Variants in FRMD4A observed in about 807,000 individuals in gnomAD.
FRMD4A encodes FERM domain containing 4A, also known as FERM domain-containing protein 4A.
FRMD4A carries 29 observed loss-of-function variants against 129.1 expected under a neutral mutation model. The ratio of observed to expected loss-of-function variants is 0.22; its 90% CI spans 0.17 to 0.31. FRMD4A has a LOEUF of 0.31. FRMD4A is among the 10% of genes least tolerant of loss of function. FRMD4A has a pLI of 1.00. For missense variants in FRMD4A, 1,272 were observed against 1,375.8 expected, an observed-to-expected ratio of 0.92 and a Z score of 1.19; for synonymous variants, 634 against 571.6, an observed-to-expected ratio of 1.11 and a Z score of -1.56.
At chr10:13,866,564 T>G (rs755816356) in intron 2 of FRMD4A, among the ~76,000 whole-genome samples, 1 of 152,162 alleles carries the variant, frequency 6.6e-6, no homozygotes, top group African/African-American at 2.4e-5. Context: ...TCAATCATCA[T>G]AAAGCACATC....
At chr10:13,709,210 C>T (rs573203074) in intron 12 of FRMD4A, among the ~76,000 whole-genome samples, 7 of 152,248 alleles carry the variant, frequency 4.6e-5, no homozygotes, top group African/African-American at 9.6e-5. Context: ...GTGATCTGCC[C>T]GCCTCGGCCT....
intron 2 of FRMD4A, among the ~76,000 whole-genome samples, chr10:14,201,327 T>A (rs954713247): frequency 1.3e-5 from 2 of 152,310 alleles, no homozygotes; most frequent in Admixed American, 6.5e-5. Flanking sequence ...ATGATTTATA[T>A]CAAATTCTCC....
intron 12 of FRMD4A, among the ~76,000 whole-genome samples, chr10:13,732,638 A>T (rs2090390713): frequency 1.3e-5 from 2 of 152,256 alleles, no homozygotes; most frequent in South Asian, 4.1e-4. Flanking sequence ...TTACTGCAGA[A>T]GCCTCCAGGT....
intron 2 of FRMD4A, among the ~76,000 whole-genome samples, chr10:14,212,202 C>G (rs765865028): frequency 5.9e-5 from 9 of 152,178 alleles, no homozygotes; most frequent in South Asian, 2.1e-4. Flanking sequence ...GGGGCCACCA[C>G]CGATATCCAG....
intron 2 of FRMD4A, among the ~76,000 whole-genome samples, chr10:13,920,823 T>TTA (rs59953134): frequency 7.7e-6 from 1 of 129,668 alleles, no homozygotes; most frequent in Non-Finnish European, 1.5e-5. Context: ...GCTTTTATTA[T>TTA]TTTTTTTTAA....
chr10:14,209,598 A>G (rs532706054), intron 2 of FRMD4A, among the ~76,000 whole-genome samples: 6 of 152,140 alleles, frequency 3.9e-5, no homozygotes, highest in African/African-American at 1.2e-4. Context: ...GTGGGCACCT[A>G]TAGTCCCAAT....
At chr10:14,133,725 C>T (rs915918873) in intron 2 of FRMD4A, among the ~76,000 whole-genome samples, 1 of 135,504 alleles carries the variant, frequency 7.4e-6, no homozygotes, top group African/African-American at 2.9e-5. Flanking sequence ...ACCTTCACTA[C>T]CCTTTTTGTC....
chr10:14,217,820 T>A (rs1292500809), intron 2 of FRMD4A, among the ~76,000 whole-genome samples: 2 of 152,094 alleles, frequency 1.3e-5, no homozygotes, highest in East Asian at 3.9e-4. Flanking sequence ...CATTTATTTT[T>A]ACTCTCTCTC....
chr10:14,038,606 T>A (rs934429640), intron 2 of FRMD4A, among the ~76,000 whole-genome samples: 1 of 152,162 alleles, frequency 6.6e-6, no homozygotes, highest in Non-Finnish European at 1.5e-5. Flanking sequence ...ATAAAATTGA[T>A]AACATTTGTC....
chr10:13,645,542 C>T lies in FRMD4A; in HGVS notation c.*1496G>A, dbSNP rs146242630. ...TGAAGCATAGCTCAAAACATGTAAA[C>T]GTGCAGCTCCCACACATTAATTTTT... On this transcript the variant is annotated 3_prime_UTR_variant, in exon 25 of 25. Transcript: ENST00000357447. 3.9e-5 allele frequency: 6 copies of T among 152,734 alleles called. No homozygotes were observed. In the East Asian group the frequency reaches 5.8e-4, roughly 15 times the overall value. 9.5% of individuals were successfully genotyped at this position (152,734 alleles called of 1,614,324 possible). A position where few individuals can be genotyped will look rare whatever the true frequency, so the allele number is the denominator to read the frequency against.
At chr10:14,261,476 C>G (rs751322378) in intron 2 of FRMD4A, among the ~76,000 whole-genome samples, 6 of 152,210 alleles carry the variant, frequency 3.9e-5, no homozygotes, top group Non-Finnish European at 8.8e-5. Context: ...AACGCTTCTT[C>G]TTCTCTGAGG....
chr10:13,831,410 C>G (rs1322829172), intron 3 of FRMD4A, among the ~76,000 whole-genome samples: 2 of 152,146 alleles, frequency 1.3e-5, no homozygotes, highest in African/African-American at 4.8e-5. Flanking sequence ...GATTGCACCA[C>G]TGCACTCTAC....
chr10:14,222,022 A>C (rs950450619), intron 2 of FRMD4A, among the ~76,000 whole-genome samples: 1 of 152,222 alleles, frequency 6.6e-6, no homozygotes, highest in Non-Finnish European at 1.5e-5. Flanking sequence ...GTCTTTTTAA[A>C]GGGAGAAAAT....
chr10:14,132,913 A>C (rs1839337206), intron 2 of FRMD4A, among the ~76,000 whole-genome samples: 2 of 152,186 alleles, frequency 1.3e-5, no homozygotes, highest in African/African-American at 4.8e-5. Flanking sequence ...ATTCAGCAAC[A>C]ATATTTCCTG....
At chr10:13,942,913 AAGAGTG>A (rs2095304086) in intron 2 of FRMD4A, among the ~76,000 whole-genome samples, 2 of 152,210 alleles carry the variant, frequency 1.3e-5, no homozygotes, top group South Asian at 4.2e-4. Context: ...AGCCTGGCGA[AAGAGTG>A]AGACTCCATC....
At chr10:13,981,784 T>C (rs2095562321) in intron 2 of FRMD4A, among the ~76,000 whole-genome samples, 1 of 148,638 alleles carries the variant, frequency 6.7e-6, no homozygotes, top group Non-Finnish European at 1.5e-5. Flanking sequence ...CAAAGCAGGC[T>C]GGAGACTGCT....
intron 12 of FRMD4A, among the ~76,000 whole-genome samples, chr10:13,726,648 C>CT (rs1564697369): frequency 6.6e-6 from 1 of 152,250 alleles, no homozygotes; most frequent in South Asian, 2.1e-4. Context: ...TTCTTTCTTT[C>CT]TTTTTTGAGA....
intron 2 of FRMD4A, among the ~76,000 whole-genome samples, chr10:14,137,353 C>G (rs548849673): frequency 6.6e-6 from 1 of 152,178 alleles, no homozygotes; most frequent in Admixed American, 6.5e-5. Flanking sequence ...TTTAATTCTG[C>G]CTGGCAATGT....
At chr10:13,722,783 C>T (rs763187235) in intron 12 of FRMD4A, among the ~76,000 whole-genome samples, 4 of 152,166 alleles carry the variant, frequency 2.6e-5, no homozygotes, top group Non-Finnish European at 4.4e-5. Flanking sequence ...TGGGTATCCA[C>T]GCTGGTTAGA....
Sources: gnomAD v4.1 joint callset for allele counts (sites outside exome capture counted in the v4.1 genomes callset) on GRCh38, gnomAD v4.1.1 for gene constraint, MANE v1.5 for transcripts, NCBI Gene and HGNC (gene_info 2026-07-23, HGNC 2026-07-21) for gene names.